The following CARF variants were observed in gnomAD, a reference collection of about 807,000 sequenced individuals.
The protein encoded by CARF is calcium-responsive transcription factor.
Under a neutral mutation model 82.0 loss-of-function variants are expected in CARF, and 57 were observed. The observed-to-expected ratio is 0.70, with a 90% CI of 0.56 to 0.87. The LOEUF is 0.87. CARF is among the 40% of genes least tolerant of loss of function. CARF has a pLI of 0.00. For missense variants in CARF, 771 were observed against 855.8 expected (o/e 0.90, Z 1.24); for synonymous variants, 268 against 290.1 (o/e 0.92, Z 0.77).
chr2:202,946,866 C>G (rs369784179), intron 5 of CARF, among the ~76,000 whole-genome samples: 10 of 151,834 alleles, frequency 6.6e-5, no homozygotes, highest in Non-Finnish European at 1.3e-4. Context: ...ATGTGGCCAA[C>G]AAACATAAAA....
At chr2:202,942,717 G>A in intron 4 of CARF, 23 bp from the exon 5 acceptor site, 1 of 1,479,728 alleles carries the variant, frequency 6.8e-7, no homozygotes, top group Non-Finnish European at 9.2e-7. Context: ...AGACTGAAGT[G>A]ATTTTTTTTT....
Position 202,981,569 on chromosome 2 carries a change from G to A in CARF, c.1573G>A (p.Glu525Lys), listed in dbSNP as rs1211038885. 6.3e-7 allele frequency: 1 copy of A among 1,598,326 alleles called. No homozygotes were observed. The highest frequency in any genetic ancestry group is 1.7e-5 in the Admixed American group (1 of 58,632). The part of the protein sequence containing the change: ...VTFAEGNSPG[E>K]SITTKVETNQ... The stretch of plus-strand genomic sequence containing the variant: ...ATATAATTTAGGAAATTCACCAGGA[G>A]AATCAATTACCACCAAAGTGGAAAC... Residue 525 changes from glutamate (E) to lysine (K), a missense_variant, in exon 15 of 17, where the codon GAA becomes AAA. Coordinates refer to ENST00000438828, the MANE Select transcript of CARF (RefSeq NM_024744.17).
chr2:202,982,541 C>A, intron 16 of CARF, 100 bp downstream of exon 16: 2 of 1,334,640 alleles, frequency 1.5e-6, no homozygotes, highest in Non-Finnish European at 2.0e-6. Context: ...CCCAGTGGGT[C>A]TATGATATTA....
At chr2:202,930,978 T>C (rs1343105010) in intron 3 of CARF, among the ~76,000 whole-genome samples, 2 of 146,078 alleles carry the variant, frequency 1.4e-5, no homozygotes, top group Non-Finnish European at 3.0e-5. Context: ...CTTTTTTTTT[T>C]TTTTTTTTTT....
intron 2 of CARF, among the ~76,000 whole-genome samples, chr2:202,922,170 C>A (rs1010805888): frequency 5.3e-5 from 8 of 152,034 alleles, no homozygotes; most frequent in African/African-American, 1.7e-4. Flanking sequence ...GGGTCTTGCC[C>A]TGTCATGATC....
intron 3 of CARF, 94 bp downstream of exon 3, chr2:202,924,509 T>C (rs1221395358): frequency 6.6e-6 from 1 of 152,216 alleles, no homozygotes; most frequent in Non-Finnish European, 1.5e-5. Flanking sequence ...TGTATTGATA[T>C]ATTTGTCAAA....
intron 9 of CARF, among the ~76,000 whole-genome samples, chr2:202,964,872 T>TAC (rs2059478533): frequency 7.7e-6 from 1 of 129,922 alleles, no homozygotes; most frequent in Non-Finnish European, 1.7e-5. Context: ...TATATATATA[T>TAC]ACATATATGT....
intron 11 of CARF, among the ~76,000 whole-genome samples, chr2:202,970,331 T>C (rs1021215430): frequency 2.6e-5 from 4 of 152,164 alleles, no homozygotes; most frequent in African/African-American, 9.7e-5. Flanking sequence ...TGTAAAAGCT[T>C]TTTCTCAAAA....
chr2:202,972,674 T>TAAAAA lies in CARF; in HGVS notation c.1331+953_1331+957dup, dbSNP rs35376227. On this transcript the variant is annotated intron_variant, in intron 12 of 16. Transcript: ENST00000438828. ...CCTGGCTACAGAGCGAGACTCCGTC[T>TAAAAA]AAAAAAAAAAAAAAAAAAAAAGGCA... Among the ~76,000 whole-genome samples, 9 of 102,992 alleles carry TAAAAA rather than the reference T, an allele frequency of 8.7e-5. 2 individuals carry two copies. Among genetic ancestry groups the TAAAAA allele is most frequent in the Admixed American group, 1.1e-4 (1 of 8,782 alleles). 67.6% of individuals were successfully genotyped at this position (102,992 alleles called of 152,430 possible).
chr2:202,963,862 A>G (rs1255493457), intron 9 of CARF, among the ~76,000 whole-genome samples: 2 of 152,176 alleles, frequency 1.3e-5, no homozygotes, highest in East Asian at 3.8e-4. Flanking sequence ...TCAGGAGGTA[A>G]TGCAAGTGAT....
intron 3 of CARF, among the ~76,000 whole-genome samples, chr2:202,929,948 G>A (rs1692580137): frequency 1.3e-5 from 2 of 152,028 alleles, no homozygotes; most frequent in Admixed American, 6.6e-5. Context: ...TGGTAGTATG[G>A]TCATTTTCAC....
At chr2:202,967,251 A>T (rs2059593893) in intron 10 of CARF, among the ~76,000 whole-genome samples, 153 bp downstream of exon 10, 1 of 151,992 alleles carries the variant, frequency 6.6e-6, no homozygotes, top group African/African-American at 2.4e-5. Context: ...TAAAGCAACA[A>T]CTCTTACTAG....
intron 3 of CARF, among the ~76,000 whole-genome samples, chr2:202,932,980 T>TG (rs1693221904): frequency 6.6e-6 from 1 of 152,024 alleles, no homozygotes; most frequent in Non-Finnish European, 1.5e-5. Flanking sequence ...AGCTTAAGCC[T>TG]GGGGGGCATG....
At chr2:202,949,856 G>A (rs1279768560) in intron 5 of CARF, among the ~76,000 whole-genome samples, 1 of 152,058 alleles carries the variant, frequency 6.6e-6, no homozygotes, top group Non-Finnish European at 1.5e-5. Context: ...GGCCCAATAT[G>A]ACTTTTTATA....
intron 12 of CARF, among the ~76,000 whole-genome samples, chr2:202,972,745 A>G (rs1367353134): frequency 6.7e-6 from 1 of 150,016 alleles, no homozygotes; most frequent in Non-Finnish European, 1.5e-5. Context: ...GCCTGTGCCT[A>G]TTACCGTGAT....
At position 202,943,096 on chromosome 2, in the gene CARF, A is replaced by C. The variant is rs2105807056; in HGVS notation, c.306+129A>C. ...ATTTATTTATTTATTTTTGAGATGG[A>C]GTTCCACTCTTGTTGCCCAGGCTGG... On this transcript the variant is annotated intron_variant, in intron 5 of 16. Coordinates refer to ENST00000438828, the MANE Select transcript of CARF (RefSeq NM_024744.17). 6.7e-6 allele frequency: 5 copies of C among 743,380 alleles called. No individual in the cohort carries two copies. In the East Asian group the frequency reaches 1.1e-4, roughly 17 times the overall value. The allele number at this position is 743,380 out of a possible 1,614,324, so 46.0% of individuals were successfully genotyped here. A position where few individuals can be genotyped will look rare whatever the true frequency, so the allele number is the denominator to read the frequency against.
Position 202,954,153 on chromosome 2 carries a change from G to C in CARF, c.557+19G>C. ...TGACCGGGTGAGTCCACGGGAAAGAGAAGCTCATCTTTTAATATCACCATG... is the reference window on the plus strand; with the variant it reads ...TGACCGGGTGAGTCCACGGGAAAGACAAGCTCATCTTTTAATATCACCATG... On this transcript the variant is annotated intron_variant, in intron 7 of 16. Transcript: ENST00000438828. 6.3e-7 allele frequency: 1 copy of C among 1,597,606 alleles called. No individual in the cohort carries two copies. Among genetic ancestry groups the C allele is most frequent in the East Asian group, 2.3e-5 (1 of 44,390 alleles).
At chr2:202,951,227 T>C (rs1421459880) in intron 5 of CARF, among the ~76,000 whole-genome samples, 1 of 152,114 alleles carries the variant, frequency 6.6e-6, no homozygotes, top group Non-Finnish European at 1.5e-5. Context: ...TTAAAATTTT[T>C]TGTAGAGACA....
chr2:202,968,351 G>A (rs866206614), intron 10 of CARF, among the ~76,000 whole-genome samples: 12 of 152,048 alleles, frequency 7.9e-5, no homozygotes, highest in African/African-American at 1.7e-4. Flanking sequence ...GCAGTGAGCC[G>A]AGACTGCGCC....
Sources: allele counts gnomAD v4.1 joint callset (sites outside exome capture counted in the v4.1 genomes callset), GRCh38; gene constraint gnomAD v4.1.1; transcripts MANE v1.5; gene names NCBI Gene and HGNC (gene_info 2026-07-23, HGNC 2026-07-21).